The following MYO6 variants were observed in gnomAD, a reference collection of about 807,000 sequenced individuals.
MYO6 encodes myosin VI.
In MYO6, 74 loss-of-function variants were observed where a neutral mutation model predicts 178.7. The observed-to-expected ratio is 0.41, with a 90% CI of 0.34 to 0.50. The LOEUF (loss-of-function observed/expected upper bound fraction) is 0.50, where lower values mean the gene tolerates loss of function less well. Ranked by LOEUF, MYO6 falls within the 20% of genes least tolerant of loss-of-function variation. The pLI is 0.09. For missense variants in MYO6, 1,330 were observed against 1,547.4 expected, an observed-to-expected ratio of 0.86 and a Z score of 2.36; for synonymous variants, 477 against 504.6, an observed-to-expected ratio of 0.95 and a Z score of 0.73.
intron 30 of MYO6, among the ~76,000 whole-genome samples, chr6:75,901,825 A>G (rs1285659982): frequency 6.6e-6 from 1 of 152,122 alleles, no homozygotes; most frequent in East Asian, 1.9e-4. Flanking sequence ...GAATGCTTCC[A>G]GTTTTTGCCC....
At chr6:75,770,249 G>C (rs561423391) in intron 1 of MYO6, among the ~76,000 whole-genome samples, 6 of 152,322 alleles carry the variant, frequency 3.9e-5, no homozygotes, top group African/African-American at 1.4e-4. Flanking sequence ...CTGCAGGACT[G>C]TGAAGCAATT....
At chr6:75,785,352 T>G (rs929887342) in intron 1 of MYO6, among the ~76,000 whole-genome samples, 1 of 152,192 alleles carries the variant, frequency 6.6e-6, no homozygotes, top group East Asian at 1.9e-4. Context: ...GGAAGTAGTA[T>G]AGTGTAGTAA....
intron 1 of MYO6, among the ~76,000 whole-genome samples, chr6:75,812,777 G>A (rs975218027): frequency 1.1e-4 from 17 of 152,198 alleles, no homozygotes; most frequent in African/African-American, 3.9e-4. Flanking sequence ...TAAATGACAG[G>A]ATCTTTCTTT....
At chr6:75,813,474 A>G (rs1770895208) in intron 1 of MYO6, among the ~76,000 whole-genome samples, 1 of 152,144 alleles carries the variant, frequency 6.6e-6, no homozygotes, top group African/African-American at 2.4e-5. Context: ...GCCATCCAAG[A>G]GTCAAGGCCG....
At chr6:75,914,511 A>G (rs1781004238) in intron 34 of MYO6, among the ~76,000 whole-genome samples, 1 of 152,156 alleles carries the variant, frequency 6.6e-6, no homozygotes, top group Non-Finnish European at 1.5e-5. Flanking sequence ...GTATCCTAAA[A>G]ACCTTTCCAT....
intron 1 of MYO6, among the ~76,000 whole-genome samples, chr6:75,770,918 T>C (rs2150020721): frequency 6.6e-6 from 1 of 152,302 alleles, no homozygotes; most frequent in African/African-American, 2.4e-5. Flanking sequence ...AGTATAAATA[T>C]TTTGATGTTG....
chr6:75,839,996 A>T (rs1423170205), intron 7 of MYO6, among the ~76,000 whole-genome samples: 1 of 151,868 alleles, frequency 6.6e-6, no homozygotes, highest in East Asian at 1.9e-4. Context: ...TAAATTTTGT[A>T]ACATAGTGGC....
At chr6:75,843,517 C>T (rs1488284682) in intron 9 of MYO6, among the ~76,000 whole-genome samples, 1 of 152,046 alleles carries the variant, frequency 6.6e-6, no homozygotes, top group African/African-American at 2.4e-5. Flanking sequence ...ACTAAAAGGA[C>T]ACGTTTCTAT....
intron 28 of MYO6, among the ~76,000 whole-genome samples, chr6:75,894,514 C>T (rs772486004): frequency 1.3e-5 from 2 of 152,202 alleles, no homozygotes; most frequent in East Asian, 1.9e-4. Flanking sequence ...CCCTTCTGGT[C>T]GTCGTGGTTA....
intron 11 of MYO6, among the ~76,000 whole-genome samples, chr6:75,853,921 T>TGTAAG (rs943129470): frequency 3.4e-5 from 5 of 148,398 alleles, no homozygotes; most frequent in African/African-American, 1.2e-4. Flanking sequence ...ATAGCAACCA[T>TGTAAG]GTAAGGTAGG....
chr6:75,861,831 C>T (rs1776236308), intron 15 of MYO6, among the ~76,000 whole-genome samples: 1 of 152,198 alleles, frequency 6.6e-6, no homozygotes, highest in African/African-American at 2.4e-5. Context: ...ATTTCCTTAA[C>T]ACACGGACCC....
At chr6:75,813,939 C>A (rs1038658578) in intron 1 of MYO6, among the ~76,000 whole-genome samples, 1 of 152,172 alleles carries the variant, frequency 6.6e-6, no homozygotes, top group Admixed American at 6.5e-5. Flanking sequence ...TTACCCTTCC[C>A]TCTTCGCCTC....
At chr6:75,902,647 T>A (rs1295396913) in intron 30 of MYO6, among the ~76,000 whole-genome samples, 1 of 152,134 alleles carries the variant, frequency 6.6e-6, no homozygotes, top group African/African-American at 2.4e-5. Flanking sequence ...TAGCGGTCTA[T>A]CAATTTTGTT....
chr6:75,753,455 G>GTGTGTGTGTGTATATATATA (rs370647728), intron 1 of MYO6, among the ~76,000 whole-genome samples: 2 of 140,058 alleles, frequency 1.4e-5, no homozygotes, highest in African/African-American at 5.4e-5. Flanking sequence ...GTGTGTGTGT[G>GTGTGTGTGTGTATATATATA]TATATATATA....
chr6:75,890,249 G>C lies in MYO6; in HGVS notation c.2851G>C (p.Glu951Gln). Reference protein sequence around the residue: ...EEDEKRRRKEEEERRMKLEME... With the variant: ...EEDEKRRRKEQEERRMKLEME... ...AGACGAAAAACGTCGAAGAAAGGAAGAGGAGGAAAGGCGGATGTGAGGCAT... is the reference window on the plus strand; with the variant it reads ...AGACGAAAAACGTCGAAGAAAGGAACAGGAGGAAAGGCGGATGTGAGGCAT... Residue 951 changes from glutamate (E) to glutamine (Q), a missense_variant, in exon 26 of 35, where the codon GAG becomes CAG. Glu to Gln is a conservative substitution (Grantham distance 29, BLOSUM62 2). Coordinates refer to ENST00000369977, the MANE Select transcript of MYO6 (RefSeq NM_004999.4). 1 of 1,613,640 alleles carries C rather than the reference G, an allele frequency of 6.2e-7. No homozygotes were observed. Among genetic ancestry groups the C allele is most frequent in the Non-Finnish European group, 8.5e-7 (1 of 1,179,600 alleles).
At chr6:75,868,217 C>T (rs2149315736) in intron 18 of MYO6, among the ~76,000 whole-genome samples, 1 of 151,584 alleles carries the variant, frequency 6.6e-6, no homozygotes, top group South Asian at 2.1e-4. Context: ...GGAAAAACCT[C>T]ATAATACATT....
chr6:75,833,118 C>T (rs1773289124), intron 6 of MYO6, among the ~76,000 whole-genome samples, 171 bp downstream of exon 6: 1 of 152,192 alleles, frequency 6.6e-6, no homozygotes, highest in African/African-American at 2.4e-5. Flanking sequence ...TCCCGAATGG[C>T]TGGGACTATA....
intron 22 of MYO6, among the ~76,000 whole-genome samples, chr6:75,880,482 A>G: frequency 6.6e-6 from 1 of 152,192 alleles, no homozygotes; most frequent in Admixed American, 6.5e-5. Flanking sequence ...AGCTAAATAA[A>G]CAAAACAATT....
rs529294813 is a variant in MYO6, at chr6:75,914,897, A to G, written c.3743A>G (p.Gln1248Arg). 5 of 1,614,176 alleles carry G rather than the reference A, an allele frequency of 3.1e-6. No homozygotes were observed. The highest frequency in any genetic ancestry group is 2.2e-5 in the East Asian group (1 of 44,872). ...CGTGGTGCTGAGATCTTGCCAAGAC[A>G]GTTTGAAGAAATCTGGGAACGCTGT... is the stretch of plus-strand genomic sequence containing the variant. The part of the protein sequence containing the change: ...RKRGAEILPR[Q>R]FEEIWERCGG... Residue 1248 changes from glutamine (Q) to arginine (R), a missense_variant, in exon 35 of 35, where the codon CAG (glutamine) becomes CGG (arginine). Around this residue, in one of 3 missense-constraint regions of MYO6, gnomAD observed 601 missense variants for 626.1 expected, o/e 0.96. Coordinates refer to ENST00000369977, the MANE Select transcript of MYO6 (RefSeq NM_004999.4).
Sources: allele counts gnomAD v4.1 joint callset (sites outside exome capture counted in the v4.1 genomes callset), GRCh38; gene constraint gnomAD v4.1.1; regional missense constraint gnomAD v4.1.1; transcripts MANE v1.5; gene names NCBI Gene and HGNC (gene_info 2026-07-23, HGNC 2026-07-21).